SLC44A3: variants seen among roughly 807,000 people sequenced by gnomAD.
SLC44A3 encodes the protein solute carrier family 44 member 3.
SLC44A3 carries 74 observed loss-of-function variants against 75.4 expected under a neutral mutation model. The ratio of observed to expected loss-of-function variants is 0.98; its 90% confidence interval spans 0.81 to 1.19. The LOEUF (loss-of-function observed/expected upper bound fraction) is 1.19. SLC44A3 is among the 50% of genes most tolerant of loss of function. The pLI, the probability that SLC44A3 is intolerant of heterozygous loss-of-function variation, is 0.00. For missense variants in SLC44A3, 700 were observed against 778.6 expected, an observed-to-expected ratio of 0.90 and a Z score of 1.20; for synonymous variants, 310 against 296.9, an observed-to-expected ratio of 1.04 and a Z score of -0.45.
chr1:94,859,760 C>G (rs182831492), intron 10 of SLC44A3, among the ~76,000 whole-genome samples: 2 of 152,304 alleles, frequency 1.3e-5, no homozygotes, highest in Admixed American at 1.3e-4. Context: ...AGCCTAAACA[C>G]TGAAATGAGG....
At position 94,842,086 on chromosome 1, in the gene SLC44A3, T is replaced by C. The variant is rs766219373; in HGVS notation, c.847T>C (p.Cys283Arg). 10 of 1,613,332 alleles carry C rather than the reference T, an allele frequency of 6.2e-6. No homozygotes were observed. The highest frequency in any genetic ancestry group is 8.5e-6 in the Non-Finnish European group (10 of 1,179,702). The part of the protein sequence containing the change: ...ELDTERENMK[C>R]VLGFAIVSTG... ...GGACACAGAAAGGGAAAATATGAAG[T>C]GCGTGCTGGGGTTTGCTATCGTATC... is the stretch of plus-strand genomic sequence containing the variant. The change falls in exon 8 of 15, where the codon TGC becomes CGC. Residue 283 changes from cysteine to arginine, a missense_variant. Cys to Arg is a radical substitution (Grantham distance 180, BLOSUM62 -3). Transcript: ENST00000271227.
chr1:94,821,676 T>A (rs1293195803), intron 2 of SLC44A3, among the ~76,000 whole-genome samples: 1 of 152,152 alleles, frequency 6.6e-6, no homozygotes, highest in Non-Finnish European at 1.5e-5. Context: ...ATTTTAGAAT[T>A]GTAGGTAACA....
intron 11 of SLC44A3, 101 bp from the exon 12 acceptor site, chr1:94,867,230 C>G (rs1667265532): frequency 5.4e-6 from 5 of 933,702 alleles, no homozygotes; most frequent in Non-Finnish European, 7.9e-6. Context: ...CAGTGTTTCC[C>G]CAGGTGCATA....
rs748412478 is a variant in SLC44A3 at position 94,820,987 on chromosome 1, A to T, written c.66A>T (p.Arg22=). The change falls in exon 2 of 15, where the codon CGA becomes CGT. Residue 22 remains arginine (R), a synonymous_variant. Coordinates refer to ENST00000271227, the MANE Select transcript of SLC44A3 (RefSeq NM_001114106.3). ...GAGCCCCTAGGCAAAGGGAGTGGCG[A>T]CCCCAGATTTATAGGAAATGCACAG... is the stretch of plus-strand genomic sequence containing the variant. ...AEGAPRQREW[R]PQIYRKCTDT... 4.5e-6 allele frequency: 7 copies of T among 1,551,246 alleles called. No homozygotes were observed. The South Asian group carries it at 8.3e-5, about 18-fold the overall frequency.
At chr1:94,882,680 A>G (rs543002670) in intron 12 of SLC44A3, among the ~76,000 whole-genome samples, 26 of 152,154 alleles carry the variant, frequency 1.7e-4, no homozygotes, top group African/African-American at 6.0e-4. Context: ...CTGAGTGCAG[A>G]GCTTTGCTGG....
intron 8 of SLC44A3, among the ~76,000 whole-genome samples, chr1:94,842,784 C>T (rs1299011081): frequency 6.6e-6 from 1 of 152,260 alleles, no homozygotes. Context: ...TGCTTACTGA[C>T]TGTTCTGTGG....
In SLC44A3 at chr1:94,887,993, TAA is replaced by T. The variant is rs575140634; in HGVS notation, c.1483-3136_1483-3135del. On this transcript the variant is annotated intron_variant, in intron 12 of 14. Coordinates refer to ENST00000271227, the MANE Select transcript of SLC44A3 (RefSeq NM_001114106.3). ...ATCATCTTTGGTGATGTCTGGATGATAATAACCACTCTTTATTACACATTTTC... is the reference window on the plus strand; with the variant it reads ...ATCATCTTTGGTGATGTCTGGATGATTAACCACTCTTTATTACACATTTTC... Among the ~76,000 whole-genome samples the T allele has an allele frequency of 9.2e-5, 14 of 152,354 alleles. No homozygotes were observed. The East Asian group carries it at 2.5e-3, about 27-fold the overall frequency.
intron 12 of SLC44A3, among the ~76,000 whole-genome samples, chr1:94,869,547 G>C (rs1340713632): frequency 6.6e-6 from 1 of 152,190 alleles, no homozygotes; most frequent in Non-Finnish European, 1.5e-5. Flanking sequence ...GAGGCCTAAG[G>C]TTCAGGAGAT....
chr1:94,872,948 G>T (rs1269259527), intron 12 of SLC44A3, among the ~76,000 whole-genome samples: 1 of 152,196 alleles, frequency 6.6e-6, no homozygotes, highest in Non-Finnish European at 1.5e-5. Flanking sequence ...GTTTCATGTT[G>T]CCTCAATTCT....
chr1:94,847,455 G>C lies in SLC44A3; in HGVS notation c.1072+1991G>C, dbSNP rs143814342. Among the ~76,000 whole-genome samples, 36 of 151,416 alleles carry C rather than the reference G, an allele frequency of 2.4e-4. No individual in the cohort carries two copies. In the East Asian group the frequency reaches 6.4e-3, roughly 27 times the overall value. On this transcript the variant is annotated intron_variant, in intron 9 of 14. Coordinates refer to ENST00000271227, the MANE Select transcript of SLC44A3 (RefSeq NM_001114106.3). ...AGCCAGGTCCCAGTTACATAGCAGT[G>C]CTTATCTGCAAGGGACACCAGGAAA...
rs1661612334 is a variant in SLC44A3, at chr1:94,828,055, T to G, written c.415+412T>G. 2.0e-5 allele frequency among the ~76,000 whole-genome samples: 3 copies of G among 152,198 alleles called. No homozygotes were observed. The South Asian group carries it at 6.2e-4, about 32-fold the overall frequency. On this transcript the variant is annotated intron_variant, in intron 4 of 14. Coordinates refer to ENST00000271227, the MANE Select transcript of SLC44A3 (RefSeq NM_001114106.3). Reference sequence around the variant, plus strand: ...CAAATTGGTCTTTTCATGAGATTTTTGGGGCCAATAGATACTTCCACTGAG... The same window carrying G: ...CAAATTGGTCTTTTCATGAGATTTTGGGGGCCAATAGATACTTCCACTGAG...
intron 12 of SLC44A3, among the ~76,000 whole-genome samples, chr1:94,883,207 A>G (rs1453940179): frequency 1.3e-5 from 2 of 151,902 alleles, no homozygotes; most frequent in Non-Finnish European, 2.9e-5. Flanking sequence ...CCTCATTAAG[A>G]AACAAAGACT....
chr1:94,892,670 C>T (rs1173961456), intron 14 of SLC44A3, among the ~76,000 whole-genome samples, 153 bp downstream of exon 14: 1 of 152,104 alleles, frequency 6.6e-6, no homozygotes, highest in Non-Finnish European at 1.5e-5. Context: ...GTGGGATTTG[C>T]GCTGAACTCT....
At chr1:94,850,583 CAG>C (rs1312225019) in intron 9 of SLC44A3, among the ~76,000 whole-genome samples, 2 of 151,962 alleles carry the variant, frequency 1.3e-5, no homozygotes, top group Non-Finnish European at 2.9e-5. Flanking sequence ...CAGGGTCAGA[CAG>C]AGAGTTTTCC....
chr1:94,875,637 G>GC (rs5776243), intron 12 of SLC44A3, among the ~76,000 whole-genome samples: 147,640 of 152,196 alleles, frequency 0.97, 71,723 homozygotes, highest in Middle Eastern at 1. Flanking sequence ...TATGGAGGAG[G>GC]CCATGCTCAT....
At chr1:94,844,442 G>A (rs1215142101) in intron 8 of SLC44A3, among the ~76,000 whole-genome samples, 1 of 152,166 alleles carries the variant, frequency 6.6e-6, no homozygotes, top group African/African-American at 2.4e-5. Flanking sequence ...AAGCACAGAG[G>A]AATAGGAGAT....
intron 2 of SLC44A3, among the ~76,000 whole-genome samples, chr1:94,822,641 C>G (rs188591250): frequency 4.7e-4 from 72 of 152,252 alleles, no homozygotes; most frequent in Non-Finnish European, 8.8e-4. Context: ...AATGCAGCAC[C>G]AGCCTGTGTT....
chr1:94,877,911 G>C (rs1668467991), intron 12 of SLC44A3, among the ~76,000 whole-genome samples: 1 of 152,118 alleles, frequency 6.6e-6, no homozygotes, highest in Non-Finnish European at 1.5e-5. Flanking sequence ...TGTTTGCCAT[G>C]CCCACGTCTT....
chr1:94,824,489 C>G lies in SLC44A3; in HGVS notation c.136-4C>G. 1 of 1,590,510 alleles carries G rather than the reference C, an allele frequency of 6.3e-7. No individual in the cohort carries two copies. Among genetic ancestry groups the G allele is most frequent in the Non-Finnish European group, 8.5e-7 (1 of 1,171,592 alleles). On this transcript the variant is annotated splice_polypyrimidine_tract_variant and splice_region_variant and intron_variant, in intron 2 of 14. Transcript: ENST00000271227. ...AGGCTCTCATATGCCCCCGTTTTTGCCAGGTGTTTATCATGGGCTACTCGG... is the reference window on the plus strand; with the variant it reads ...AGGCTCTCATATGCCCCCGTTTTTGGCAGGTGTTTATCATGGGCTACTCGG...
Sources: allele counts gnomAD v4.1 joint callset (sites outside exome capture counted in the v4.1 genomes callset), GRCh38; gene constraint gnomAD v4.1.1; transcripts MANE v1.5; gene names NCBI Gene and HGNC (gene_info 2026-07-23, HGNC 2026-07-21).